Variants in VTCN1 observed in about 807,000 individuals in gnomAD.
The protein encoded by VTCN1 is V-set domain containing T cell activation inhibitor 1.
In VTCN1, 26 loss-of-function variants were observed where a neutral mutation model predicts 26.5. That is an observed-to-expected ratio of 0.98 (90% CI 0.72 to 1.36). VTCN1 has a LOEUF of 1.36. Among genes scored for constraint, VTCN1 ranks in the 40% most tolerant of loss-of-function variants. The pLI, the probability that VTCN1 is intolerant of heterozygous loss-of-function variation, is 0.00. For synonymous variants in VTCN1, 116 were observed against 130.7 expected (o/e 0.89, Z 0.77); for missense variants, 298 against 337.7 (o/e 0.88, Z 0.92).
intron 3 of VTCN1, among the ~76,000 whole-genome samples, chr1:117,153,824 AC>A (rs1385902546): frequency 6.6e-6 from 1 of 152,164 alleles, no homozygotes; most frequent in Non-Finnish European, 1.5e-5. Context: ...TTCATCTATC[AC>A]CCACAGAAAT....
intron 1 of VTCN1, among the ~76,000 whole-genome samples, chr1:117,191,879 C>T (rs189677443): frequency 6.6e-6 from 1 of 152,220 alleles, no homozygotes; most frequent in East Asian, 1.9e-4. Context: ...ATCTCTTGAA[C>T]CCAGAGTTTG....
At chr1:117,178,773 T>G (rs1292088673) in intron 1 of VTCN1, among the ~76,000 whole-genome samples, 1 of 151,948 alleles carries the variant, frequency 6.6e-6, no homozygotes, top group African/African-American at 2.4e-5. Context: ...TTATTTCATG[T>G]AGAGACAGGG....
At chr1:117,199,370 G>C (rs1648679022) in intron 1 of VTCN1, among the ~76,000 whole-genome samples, 1 of 152,104 alleles carries the variant, frequency 6.6e-6, no homozygotes, top group African/African-American at 2.4e-5. Flanking sequence ...CTGTCTCCCA[G>C]GTTGGAGTGC....
intron 1 of VTCN1, among the ~76,000 whole-genome samples, chr1:117,205,130 T>C (rs1250868725): frequency 1.6e-5 from 2 of 125,908 alleles, no homozygotes; most frequent in Admixed American, 2.0e-4. Context: ...TATATACATG[T>C]CATATATATA....
rs764352307 is a variant in VTCN1, at chr1:117,170,179, AAGAG to A, written c.33-12_33-9del. 9 of 1,613,168 alleles carry A rather than the reference AAGAG, an allele frequency of 5.6e-6. No individual in the cohort carries two copies. The South Asian group carries it at 8.8e-5, about 16-fold the overall frequency. ...ATGATGATGCTAATTATGCTACGGG[AAGAG>A]AGAGAGAAACAGAAAATTAGTTCTC... On this transcript the variant is annotated splice_polypyrimidine_tract_variant and intron_variant, in intron 1 of 5. Transcript: ENST00000369458.
At chr1:117,174,020 G>A (rs1349485774) in intron 1 of VTCN1, among the ~76,000 whole-genome samples, 2 of 152,104 alleles carry the variant, frequency 1.3e-5, no homozygotes, top group African/African-American at 2.4e-5. Flanking sequence ...GCCTTGGAAA[G>A]AGAAGCAGGA....
chr1:117,207,547 C>G (rs1029396395), intron 1 of VTCN1, among the ~76,000 whole-genome samples: 2 of 152,130 alleles, frequency 1.3e-5, no homozygotes, highest in African/African-American at 4.8e-5. Flanking sequence ...GAGCCACCCC[C>G]TATGACTATT....
intron 2 of VTCN1, among the ~76,000 whole-genome samples, chr1:117,164,015 A>T (rs988592843): frequency 6.6e-6 from 1 of 152,138 alleles, no homozygotes; most frequent in African/African-American, 2.4e-5. Context: ...TCACCAGGTT[A>T]TTTAGGGGTG....
rs1647305913 is a variant in VTCN1, at chr1:117,175,768, TC to T, written c.33-5598del. Among the ~76,000 whole-genome samples the T allele has an allele frequency of 3.7e-5, 3 of 81,814 alleles. No homozygotes were observed. The highest frequency in any genetic ancestry group is 4.4e-4 in the South Asian group (1 of 2,282). 53.7% of individuals were successfully genotyped at this position (81,814 alleles called of 152,430 possible). A position where few individuals can be genotyped will look rare whatever the true frequency, so the allele number is the denominator to read the frequency against. ...AGAGAGATACCTATCTCTCTCTCTC[TC>T]TCTCTTTTTTTTTTTTTTTGAGATG... On this transcript the variant is annotated intron_variant, in intron 1 of 5. Coordinates refer to ENST00000369458, the MANE Select transcript of VTCN1 (RefSeq NM_024626.4). The surrounding 1 kb of genome is among the most constrained non-coding windows in gnomAD (Gnocchi z 4.2).
At chr1:117,174,304 A>G (rs1653084286) in intron 1 of VTCN1, among the ~76,000 whole-genome samples, 1 of 152,212 alleles carries the variant, frequency 6.6e-6, no homozygotes, top group Non-Finnish European at 1.5e-5. Flanking sequence ...TTCAGTAAAC[A>G]TTTATTAAGT....
intron 1 of VTCN1, among the ~76,000 whole-genome samples, chr1:117,206,653 G>A (rs891825169): frequency 9.0e-6 from 1 of 111,098 alleles, no homozygotes; most frequent in African/African-American, 3.3e-5. Flanking sequence ...AACAGGCACA[G>A]GAACAGATAT....
Position 117,170,139 on chromosome 1 carries a change from G to T in VTCN1, c.65C>A (p.Ala22Glu). ...ACCAAAGCCAATGATGAGTGCAATT[G>T]CTCCAGCCAGAATAATGATGATGCT... The part of the protein sequence containing the change: ...IISIIIILAG[A>E]IALIIGFGIS... Residue 22 changes from alanine to glutamate, a missense_variant, in exon 2 of 6, where the codon GCA becomes GAA. Transcript: ENST00000369458. 1 of 1,613,928 alleles carries T rather than the reference G, an allele frequency of 6.2e-7. No individual in the cohort carries two copies. The highest frequency in any genetic ancestry group is 8.5e-7 in the Non-Finnish European group (1 of 1,179,938).
At chr1:117,164,552 A>G (rs1019088633) in intron 2 of VTCN1, among the ~76,000 whole-genome samples, 3 of 152,214 alleles carry the variant, frequency 2.0e-5, no homozygotes, top group African/African-American at 7.2e-5. Flanking sequence ...GATGGCATCA[A>G]TATAAATAAC....
chr1:117,184,184 G>T (rs1647817392), intron 1 of VTCN1, among the ~76,000 whole-genome samples: 1 of 152,086 alleles, frequency 6.6e-6, no homozygotes, highest in Non-Finnish European at 1.5e-5. Flanking sequence ...ACCAAGTGAG[G>T]TTGTTGCCTT....
chr1:117,182,051 C>T (rs770938898), intron 1 of VTCN1, among the ~76,000 whole-genome samples: 68 of 152,168 alleles, frequency 4.5e-4, no homozygotes, highest in Non-Finnish European at 6.6e-4. Flanking sequence ...GGCTGCTTCT[C>T]GGAAAGCCTA....
chr1:117,186,953 G>A (rs1342062173), intron 1 of VTCN1, among the ~76,000 whole-genome samples: 1 of 152,052 alleles, frequency 6.6e-6, no homozygotes, highest in Non-Finnish European at 1.5e-5. Context: ...TTTTACAGGT[G>A]GCTGCTAAGA....
intron 1 of VTCN1, among the ~76,000 whole-genome samples, chr1:117,171,930 C>G (rs1341472756): frequency 1.3e-5 from 2 of 152,154 alleles, no homozygotes; most frequent in African/African-American, 4.8e-5. Context: ...CCAAGGGGAA[C>G]AAGCACTCCA....
intron 1 of VTCN1, among the ~76,000 whole-genome samples, chr1:117,171,168 G>T (rs1467903976): frequency 2.0e-5 from 3 of 152,144 alleles, no homozygotes; most frequent in African/African-American, 7.2e-5. Flanking sequence ...CCATGTTCCT[G>T]CAAAGGACAT....
chr1:117,192,530 C>T (rs933178839), intron 1 of VTCN1, among the ~76,000 whole-genome samples: 2 of 152,108 alleles, frequency 1.3e-5, no homozygotes, highest in Non-Finnish European at 1.5e-5. Context: ...ACAGGAATCA[C>T]ATTAAACTGT....
Sources: gnomAD v4.1 joint callset for allele counts (sites outside exome capture counted in the v4.1 genomes callset) on GRCh38, gnomAD v4.1.1 for gene constraint, Gnocchi (gnomAD v3.1) non-coding constraint, MANE v1.5 for transcripts, NCBI Gene and HGNC (gene_info 2026-07-23, HGNC 2026-07-21) for gene names.